RGS6: variants seen among roughly 807,000 people sequenced by gnomAD.
RGS6 encodes the protein regulator of G-protein signaling 6.
In RGS6, 30 loss-of-function variants were observed where a neutral mutation model predicts 78.5. That is an observed-to-expected ratio of 0.38 (90% confidence interval 0.29 to 0.52). RGS6 has a LOEUF of 0.52. RGS6 is among the 20% of genes least tolerant of loss of function. The pLI is 0.85. For missense variants in RGS6, 495 were observed against 609.7 expected, an observed-to-expected ratio of 0.81 and a Z score of 1.98; for synonymous variants, 206 against 206.0, an observed-to-expected ratio of 1.00 and a Z score of 0.00.
chr14:72,492,694 A>G (rs894736982), intron 12 of RGS6, among the ~76,000 whole-genome samples: 2 of 152,138 alleles, frequency 1.3e-5, no homozygotes, highest in Non-Finnish European at 2.9e-5. Flanking sequence ...CTGAGCCCCA[A>G]CAGACCCTCA....
chr14:71,905,709 C>T, the RGS6 span, among the ~76,000 whole-genome samples: 3 of 152,130 alleles, frequency 2.0e-5, no homozygotes, highest in Non-Finnish European at 2.9e-5. Flanking sequence ...AGGCTGGTCT[C>T]GAACTCCTGA....
chr14:72,586,952 T>C, the RGS6 span, among the ~76,000 whole-genome samples: 1 of 152,122 alleles, frequency 6.6e-6, no homozygotes, highest in Non-Finnish European at 1.5e-5. Flanking sequence ...CAAGATACTC[T>C]CATGAACTCA....
intron 1 of RGS6, among the ~76,000 whole-genome samples, chr14:71,958,064 C>A (rs559001244): frequency 6.6e-6 from 1 of 151,854 alleles, no homozygotes; most frequent in Admixed American, 6.6e-5. Context: ...ATTAGTTTAG[C>A]CTGTCAGGCA....
chr14:72,448,217 C>T (rs1294789106), intron 3 of RGS6, among the ~76,000 whole-genome samples: 1 of 152,222 alleles, frequency 6.6e-6, no homozygotes, highest in Non-Finnish European at 1.5e-5. Flanking sequence ...GAGTTGCTCT[C>T]AAGTGTGTCT....
At chr14:72,032,675 G>T (rs1248929193) in intron 2 of RGS6, among the ~76,000 whole-genome samples, 1 of 152,058 alleles carries the variant, frequency 6.6e-6, no homozygotes, top group Non-Finnish European at 1.5e-5. Context: ...GACTACTTAA[G>T]TATACCTCAT....
chr14:72,281,964 G>A (rs1289220546), intron 2 of RGS6, among the ~76,000 whole-genome samples: 1 of 152,150 alleles, frequency 6.6e-6, no homozygotes, highest in Non-Finnish European at 1.5e-5. Context: ...AGAGTGACAG[G>A]CCATTGGTAT....
rs565402042 is a variant in RGS6, at chr14:72,313,312, C to T, written c.85-38783C>T. Among the ~76,000 whole-genome samples, 3 of 152,328 alleles carry T rather than the reference C, an allele frequency of 2.0e-5. No individual in the cohort carries two copies. In the East Asian group the frequency reaches 5.8e-4, roughly 29 times the overall value. ...AGATGGCAACAGCAGAGCATGAAAC[C>T]AAGGTCTAGGTCTTCTGAGCTCAGG... On this transcript the variant is annotated intron_variant, in intron 2 of 17. Coordinates refer to ENST00000553525, the MANE Select transcript of RGS6 (RefSeq NM_001204424.2).
intron 2 of RGS6, among the ~76,000 whole-genome samples, chr14:72,182,677 T>G (rs2097190014): frequency 6.6e-6 from 1 of 152,160 alleles, no homozygotes; most frequent in Non-Finnish European, 1.5e-5. Flanking sequence ...AAATATGATG[T>G]TTTTAAAGAG....
At chr14:72,078,562 C>G (rs1306796026) in intron 2 of RGS6, among the ~76,000 whole-genome samples, 2 of 152,014 alleles carry the variant, frequency 1.3e-5, no homozygotes, top group Admixed American at 6.6e-5. Context: ...TACAGGCGCC[C>G]GTCACCACGC....
At chr14:72,348,422 A>G (rs1463424399) in intron 2 of RGS6, among the ~76,000 whole-genome samples, 1 of 152,230 alleles carries the variant, frequency 6.6e-6, no homozygotes, top group Non-Finnish European at 1.5e-5. Flanking sequence ...AGTATTGATC[A>G]TGAAATAGAT....
At chr14:72,298,073 T>C (rs2065235060) in intron 2 of RGS6, among the ~76,000 whole-genome samples, 1 of 152,160 alleles carries the variant, frequency 6.6e-6, no homozygotes, top group African/African-American at 2.4e-5. Flanking sequence ...TTGCAGATGA[T>C]TTTATAGCTG....
intron 2 of RGS6, chr14:71,990,914 C>A: frequency 2.2e-6 from 1 of 450,458 alleles, no homozygotes; most frequent in Non-Finnish European, 4.5e-6. Flanking sequence ...GCATCCTCCA[C>A]ATAGTTGGCA....
chr14:72,423,534 G>T (rs929221791), intron 3 of RGS6, among the ~76,000 whole-genome samples: 2 of 152,230 alleles, frequency 1.3e-5, no homozygotes, highest in African/African-American at 4.8e-5. Flanking sequence ...CAGGAATGGA[G>T]CTGGAGGCCA....
intron 2 of RGS6, among the ~76,000 whole-genome samples, chr14:72,276,922 T>C (rs2153939607): frequency 6.6e-6 from 1 of 152,336 alleles, no homozygotes; most frequent in Non-Finnish European, 1.5e-5. Context: ...ATATCCAACT[T>C]CTACTATTTT....
intron 2 of RGS6, among the ~76,000 whole-genome samples, chr14:72,104,376 T>C (rs577784817): frequency 6.6e-6 from 1 of 152,262 alleles, no homozygotes; most frequent in Non-Finnish European, 1.5e-5. Flanking sequence ...AGTTGTTGTT[T>C]TATATTTTTA....
At chr14:72,447,116 T>C (rs2095385404) in intron 3 of RGS6, among the ~76,000 whole-genome samples, 1 of 152,068 alleles carries the variant, frequency 6.6e-6, no homozygotes, top group East Asian at 1.9e-4. Context: ...CAATGGAGAC[T>C]GTTGCATTCT....
intron 12 of RGS6, among the ~76,000 whole-genome samples, chr14:72,485,434 G>A (rs1023798818): frequency 3.9e-5 from 6 of 152,082 alleles, no homozygotes; most frequent in African/African-American, 9.7e-5. Context: ...GGTACTGTGC[G>A]TTGGCCATTG....
At chr14:71,920,436 G>T in the RGS6 span, among the ~76,000 whole-genome samples, 1 of 152,224 alleles carries the variant, frequency 6.6e-6, no homozygotes, top group African/African-American at 2.4e-5. Flanking sequence ...GTCAGCAAGG[G>T]AGCTGGTGAG....
intron 12 of RGS6, among the ~76,000 whole-genome samples, chr14:72,488,117 A>G (rs1415204160): frequency 6.6e-6 from 1 of 152,226 alleles, no homozygotes; most frequent in Non-Finnish European, 1.5e-5. Context: ...GTAACTTAAC[A>G]AAATAGATTT....
Sources: allele counts gnomAD v4.1 joint callset (sites outside exome capture counted in the v4.1 genomes callset), GRCh38; gene constraint gnomAD v4.1.1; transcripts MANE v1.5; gene names NCBI Gene and HGNC (gene_info 2026-07-23, HGNC 2026-07-21).